Variants in PRKN observed in about 807,000 individuals in gnomAD.
PRKN encodes parkin RBR E3 ubiquitin protein ligase, also known as E3 ubiquitin-protein ligase parkin.
In PRKN, 56 loss-of-function variants were observed where a neutral mutation model predicts 59.5. That is an observed-to-expected ratio of 0.94 (90% CI 0.76 to 1.18). The LOEUF is 1.18. Ranked by LOEUF, PRKN falls within the 50% of genes most tolerant of loss-of-function variation. PRKN has a pLI of 0.00. For missense variants in PRKN, 657 were observed against 596.4 expected, an observed-to-expected ratio of 1.10 and a Z score of -1.06; for synonymous variants, 250 against 222.1, an observed-to-expected ratio of 1.13 and a Z score of -1.12.
intron 7 of PRKN, among the ~76,000 whole-genome samples, chr6:161,655,209 TCACCAGCAAGG>T: frequency 7.1e-6 from 1 of 141,198 alleles, no homozygotes; most frequent in Non-Finnish European, 1.5e-5. Flanking sequence ...TGGCCCCTCA[TCACCAGCAAGG>T]TGCCCAGTTA....
chr6:162,258,409 T>C (rs532897617), intron 3 of PRKN, among the ~76,000 whole-genome samples: 1 of 152,204 alleles, frequency 6.6e-6, no homozygotes, highest in Non-Finnish European at 1.5e-5. Flanking sequence ...AATAGCTTCA[T>C]CTCATCTGTC....
chr6:162,029,384 T>C (rs1468085396), intron 5 of PRKN, among the ~76,000 whole-genome samples: 1 of 152,210 alleles, frequency 6.6e-6, no homozygotes, highest in Non-Finnish European at 1.5e-5. Flanking sequence ...TTGTATTTTA[T>C]GTCTCTCAAT....
intron 4 of PRKN, among the ~76,000 whole-genome samples, chr6:162,065,500 A>G (rs570839728): frequency 2.6e-5 from 4 of 151,764 alleles, no homozygotes; most frequent in African/African-American, 7.3e-5. Flanking sequence ...TCGAATTTCA[A>G]TATCCTCTGG....
At chr6:162,593,992 T>C (rs1396429109) in intron 1 of PRKN, among the ~76,000 whole-genome samples, 1 of 151,948 alleles carries the variant, frequency 6.6e-6, no homozygotes, top group Non-Finnish European at 1.5e-5. Context: ...CTACTAAAAA[T>C]ACGAAAAATT....
At chr6:162,158,227 A>C (rs751304520) in intron 4 of PRKN, among the ~76,000 whole-genome samples, 1 of 151,978 alleles carries the variant, frequency 6.6e-6, no homozygotes, top group Non-Finnish European at 1.5e-5. Context: ...TAAATAATAA[A>C]TTCAGTTTTC....
rs907901860 is a variant in PRKN at position 162,490,836 on chromosome 6, A to G, written c.8-47363T>C. 7.2e-5 allele frequency among the ~76,000 whole-genome samples: 11 copies of G among 152,266 alleles called. No homozygotes were observed. In the South Asian group the frequency reaches 2.1e-3, roughly 29 times the overall value. The stretch of plus-strand genomic sequence containing the variant: ...CACTGCCCTCACACTGAGCCCTTCA[A>G]AAGGACGGCACGAGGGGCCAGGTGC... On this transcript the variant is annotated intron_variant, in intron 1 of 11. Coordinates refer to ENST00000366898, the MANE Select transcript of PRKN (RefSeq NM_004562.3).
intron 8 of PRKN, among the ~76,000 whole-genome samples, chr6:161,568,849 C>CG (rs1313707657): frequency 1.3e-5 from 2 of 151,988 alleles, no homozygotes; most frequent in African/African-American, 2.4e-5. Context: ...TCACTGAGCA[C>CG]AACACAGCAT....
At chr6:161,496,878 G>A (rs895735132) in intron 9 of PRKN, among the ~76,000 whole-genome samples, 3 of 152,218 alleles carry the variant, frequency 2.0e-5, no homozygotes, top group Non-Finnish European at 4.4e-5. Context: ...CCAGAAGCCA[G>A]AAGATGCAAG....
intron 2 of PRKN, among the ~76,000 whole-genome samples, chr6:162,376,959 G>C (rs1786138374): frequency 6.6e-6 from 1 of 151,790 alleles, no homozygotes; most frequent in Admixed American, 6.6e-5. Flanking sequence ...AGGAGGAGAA[G>C]CCCAGTCTGG....
intron 1 of PRKN, among the ~76,000 whole-genome samples, chr6:162,530,548 G>A (rs989307309): frequency 3.3e-5 from 5 of 152,074 alleles, no homozygotes; most frequent in South Asian, 2.1e-4. Context: ...CAGTTTCCTC[G>A]TCTGCAGAAT....
chr6:161,821,454 T>A (rs1792020693), intron 6 of PRKN, among the ~76,000 whole-genome samples: 1 of 152,024 alleles, frequency 6.6e-6, no homozygotes, highest in African/African-American at 2.4e-5. Context: ...TTTTTTTTAA[T>A]CCAGACTTTC....
At chr6:161,691,003 ATCC>A in intron 7 of PRKN, among the ~76,000 whole-genome samples, 1 of 147,392 alleles carries the variant, frequency 6.8e-6, no homozygotes, top group African/African-American at 2.6e-5. Context: ...CCATCCATCC[ATCC>A]AACCATCCGT....
intron 6 of PRKN, among the ~76,000 whole-genome samples, chr6:161,826,402 T>C (rs137964998): frequency 5.3e-5 from 8 of 152,328 alleles, no homozygotes; most frequent in African/African-American, 1.9e-4. Flanking sequence ...ATACAATACA[T>C]GCATCTATTT....
chr6:162,040,572 A>ATTTTTTTTT (rs35272845), intron 5 of PRKN, among the ~76,000 whole-genome samples: 3 of 113,082 alleles, frequency 2.7e-5, no homozygotes, highest in Non-Finnish European at 3.6e-5. Context: ...ATGCCCGGCT[A>ATTTTTTTTT]TTTTTTTTTT....
intron 9 of PRKN, among the ~76,000 whole-genome samples, chr6:161,469,053 C>T (rs1316498274): frequency 6.6e-6 from 1 of 152,192 alleles, no homozygotes; most frequent in Non-Finnish European, 1.5e-5. Flanking sequence ...ACTGCCACCT[C>T]CCCCATGTCT....
intron 2 of PRKN, among the ~76,000 whole-genome samples, chr6:162,288,442 T>C (rs1270191293): frequency 1.3e-5 from 2 of 152,132 alleles, no homozygotes; most frequent in Non-Finnish European, 2.9e-5. Flanking sequence ...TCGGCTGGCT[T>C]GTTCAGCAAA....
chr6:162,554,570 A>G (rs537306746), intron 1 of PRKN, among the ~76,000 whole-genome samples: 32 of 151,926 alleles, frequency 2.1e-4, no homozygotes, highest in Non-Finnish European at 1.5e-5. Flanking sequence ...CAGACAGGAC[A>G]GATAAACATC....
At position 161,545,060 on chromosome 6, in the gene PRKN, A is replaced by C. The variant is rs1357200089; in HGVS notation, c.1083+3794T>G. On this transcript the variant is annotated intron_variant, in intron 9 of 11. Transcript: ENST00000366898. The surrounding 1 kb of genome is among the most constrained non-coding windows in gnomAD (Gnocchi z 4.1). ...TAGAATCCTCTGGAGCCCAGAGCTCAACACATGGGTGTCTAGCTCCGAACA... is the reference window on the plus strand; with the variant it reads ...TAGAATCCTCTGGAGCCCAGAGCTCCACACATGGGTGTCTAGCTCCGAACA... The C allele has an allele frequency of 1.3e-6, 1 of 753,082 alleles. No homozygotes were observed. Among genetic ancestry groups the C allele is most frequent in the African/African-American group, 1.9e-5 (1 of 53,780 alleles). The allele number at this position is 753,082 out of a possible 1,614,324, so 46.6% of individuals were successfully genotyped here.
chr6:162,204,714 G>GT (rs35258663), intron 3 of PRKN, among the ~76,000 whole-genome samples: 52,167 of 148,126 alleles, frequency 0.35, 9,452 homozygotes, highest in Non-Finnish European at 0.39. Context: ...CAGAAGTTTT[G>GT]TTTTTTTTTT....
Sources: allele counts gnomAD v4.1 joint callset (sites outside exome capture counted in the v4.1 genomes callset), GRCh38; gene constraint gnomAD v4.1.1; non-coding constraint Gnocchi (gnomAD v3.1); transcripts MANE v1.5; gene names NCBI Gene and HGNC (gene_info 2026-07-23, HGNC 2026-07-21).